The following EPHA6 variants were observed in gnomAD, a reference collection of about 807,000 sequenced individuals.
EPHA6 encodes the protein ephrin type-A receptor 6.
EPHA6 carries 50 observed loss-of-function variants against 112.0 expected under a neutral mutation model. That is an observed-to-expected ratio of 0.45 (90% CI 0.36 to 0.56). The LOEUF (loss-of-function observed/expected upper bound fraction) is 0.56. Among genes scored for constraint, EPHA6 ranks in the 20% least tolerant of loss-of-function variants. The pLI, the probability that EPHA6 is intolerant of heterozygous loss-of-function variation, is 0.00. For synonymous variants in EPHA6, 529 were observed against 490.7 expected, an observed-to-expected ratio of 1.08 and a Z score of -1.03; for missense variants, 1,280 against 1,417.4, an observed-to-expected ratio of 0.90 and a Z score of 1.56.
intron 2 of EPHA6, among the ~76,000 whole-genome samples, chr3:96,952,486 C>T (rs564407522): frequency 1.3e-5 from 2 of 152,142 alleles, no homozygotes; most frequent in African/African-American, 4.8e-5. Context: ...TGGCCCTCTT[C>T]GTTTCTCTTT....
chr3:97,544,160 G>C (rs897077596), intron 11 of EPHA6, among the ~76,000 whole-genome samples: 1 of 152,180 alleles, frequency 6.6e-6, no homozygotes, highest in African/African-American at 2.4e-5. Flanking sequence ...AGGCATCCCT[G>C]TCTTGTGCCC....
rs1399158320 is a variant in EPHA6 at position 97,484,849 on chromosome 3, A to G, written c.2200+790A>G. 3.3e-5 allele frequency among the ~76,000 whole-genome samples: 5 copies of G among 152,298 alleles called. No individual in the cohort carries two copies. The South Asian group carries it at 6.2e-4, about 19-fold the overall frequency. ...GTACATCTGCCTTCCTGACTGTGAG[A>G]AGGAAAAGGAAATAGTTCTGTCTCT... On this transcript the variant is annotated intron_variant, in intron 10 of 17. Transcript: ENST00000389672.
At chr3:97,503,012 A>T (rs2092163110) in intron 10 of EPHA6, among the ~76,000 whole-genome samples, 2 of 151,848 alleles carry the variant, frequency 1.3e-5, no homozygotes, top group Admixed American at 6.6e-5. Context: ...AATATAAGGT[A>T]TAAGTGAACA....
intron 3 of EPHA6, among the ~76,000 whole-genome samples, chr3:97,190,937 A>G (rs1437029241): frequency 6.6e-6 from 1 of 152,134 alleles, no homozygotes; most frequent in East Asian, 1.9e-4. Context: ...AAGGATGAGA[A>G]TAATTATTAT....
chr3:96,991,399 G>A (rs2043211027), intron 3 of EPHA6, among the ~76,000 whole-genome samples: 1 of 152,108 alleles, frequency 6.6e-6, no homozygotes, highest in Admixed American at 6.5e-5. Context: ...ACTTGAGTTG[G>A]AATGTCCAAG....
intron 2 of EPHA6, among the ~76,000 whole-genome samples, chr3:96,950,464 C>A (rs2041478048): frequency 6.6e-6 from 1 of 152,096 alleles, no homozygotes; most frequent in Non-Finnish European, 1.5e-5. Flanking sequence ...CATGAGGTTG[C>A]AGCTTTGTGA....
At chr3:97,268,008 G>C (rs190116391) in intron 5 of EPHA6, among the ~76,000 whole-genome samples, 8 of 152,254 alleles carry the variant, frequency 5.3e-5, no homozygotes, top group Non-Finnish European at 7.4e-5. Flanking sequence ...GGTCTTGCTG[G>C]AGGTGGTTGA....
At chr3:97,341,536 G>T (rs1264527335) in intron 5 of EPHA6, among the ~76,000 whole-genome samples, 1 of 151,948 alleles carries the variant, frequency 6.6e-6, no homozygotes, top group African/African-American at 2.4e-5. Context: ...TGTATTTTTA[G>T]TAGAGACGGG....
intron 7 of EPHA6, among the ~76,000 whole-genome samples, chr3:97,459,623 T>G (rs1399713519): frequency 6.6e-6 from 1 of 152,180 alleles, no homozygotes; most frequent in Non-Finnish European, 1.5e-5. Flanking sequence ...AGCAGTGAGC[T>G]TCCCGTAACT....
chr3:97,445,639 T>C (rs1399758500), intron 6 of EPHA6, among the ~76,000 whole-genome samples: 1 of 150,800 alleles, frequency 6.6e-6, no homozygotes, highest in Non-Finnish European at 1.5e-5. Context: ...AGACAACATA[T>C]CTAACAGAAA....
intron 6 of EPHA6, among the ~76,000 whole-genome samples, chr3:97,408,887 T>G (rs1012416932): frequency 6.6e-6 from 1 of 152,088 alleles, no homozygotes; most frequent in Non-Finnish European, 1.5e-5. Context: ...TTACCAAAAT[T>G]AGTCCTAATC....
chr3:97,758,520 C>T lies in EPHA6; in HGVS notation c.*9819C>T, dbSNP rs559266547. Among the ~76,000 whole-genome samples, 1 of 151,914 alleles carries T rather than the reference C, an allele frequency of 6.6e-6. No individual in the cohort carries two copies. The highest frequency in any genetic ancestry group is 2.1e-4 in the South Asian group (1 of 4,816). On this transcript the variant is annotated 3_prime_UTR_variant, in exon 18 of 18. Coordinates refer to ENST00000389672, the MANE Select transcript of EPHA6 (RefSeq NM_001080448.3). ...CTGTTTATTGAACACTACCATGTAC[C>T]ATTGTCCTGTTCGAAGCACTGAGGA...
intron 10 of EPHA6, among the ~76,000 whole-genome samples, chr3:97,498,664 A>G (rs1446813428): frequency 1.3e-5 from 2 of 152,146 alleles, no homozygotes; most frequent in African/African-American, 4.8e-5. Context: ...TTACTCTATA[A>G]CAGTGGTCCT....
At chr3:97,352,512 C>T (rs1375239090) in intron 5 of EPHA6, among the ~76,000 whole-genome samples, 1 of 152,102 alleles carries the variant, frequency 6.6e-6, no homozygotes, top group African/African-American at 2.4e-5. Context: ...TGACTGTGGG[C>T]TTTGCATTGG....
At chr3:97,194,808 A>G (rs529881355) in intron 3 of EPHA6, among the ~76,000 whole-genome samples, 2 of 151,784 alleles carry the variant, frequency 1.3e-5, no homozygotes, top group African/African-American at 4.8e-5. Flanking sequence ...CTCCATTGTC[A>G]TTGTACAATG....
rs192399628 is a variant in EPHA6, at chr3:96,915,607, A to G, written c.450+48718A>G. Among the ~76,000 whole-genome samples the G allele has an allele frequency of 2.9e-3, 437 of 152,254 alleles. 2 individuals carry two copies. Among genetic ancestry groups the G allele is most frequent in the African/African-American group, 9.9e-3 (413 of 41,584 alleles). The stretch of plus-strand genomic sequence containing the variant: ...CATAAAGTGTAGGACAGTATCTTCC[A>G]TAACATCAATATCTGTCAGTGAGTC... On this transcript the variant is annotated intron_variant, in intron 2 of 17. Transcript: ENST00000389672.
At chr3:97,189,016 A>G (rs2074733240) in intron 3 of EPHA6, among the ~76,000 whole-genome samples, 1 of 151,930 alleles carries the variant, frequency 6.6e-6, no homozygotes, top group Non-Finnish European at 1.5e-5. Context: ...TTTACGATAA[A>G]AATTGAAAGA....
At chr3:97,328,034 T>C (rs2108808743) in intron 5 of EPHA6, among the ~76,000 whole-genome samples, 1 of 111,740 alleles carries the variant, frequency 8.9e-6, no homozygotes, top group African/African-American at 3.8e-5. Context: ...TATATGTGTA[T>C]ATATACACAC....
chr3:97,152,498 GAACT>G (rs2076194155), intron 3 of EPHA6, among the ~76,000 whole-genome samples: 1 of 150,952 alleles, frequency 6.6e-6, no homozygotes, highest in African/African-American at 2.4e-5. Flanking sequence ...AAATATTACA[GAACT>G]AACACTGAAA....
Sources: gnomAD v4.1 joint callset for allele counts (sites outside exome capture counted in the v4.1 genomes callset) on GRCh38, gnomAD v4.1.1 for gene constraint, MANE v1.5 for transcripts, NCBI Gene and HGNC (gene_info 2026-07-23, HGNC 2026-07-21) for gene names.